Variants in PDK1 observed in about 807,000 individuals in gnomAD.
PDK1 encodes the protein pyruvate dehydrogenase kinase 1.
In PDK1, 39 loss-of-function variants were observed where a neutral mutation model predicts 54.2. The observed-to-expected ratio is 0.72, with a 90% CI of 0.56 to 0.94. The LOEUF (loss-of-function observed/expected upper bound fraction) is 0.94, where lower values mean the gene tolerates loss of function less well. Among genes scored for constraint, PDK1 ranks in the 40% least tolerant of loss-of-function variants. PDK1 has a pLI of 0.00. For missense variants in PDK1, 552 were observed against 566.0 expected (o/e 0.98, Z 0.25); for synonymous variants, 221 against 207.1 (o/e 1.07, Z -0.58).
At chr2:172,687,960 C>T in the PDK1 span, among the ~76,000 whole-genome samples, 1 of 152,194 alleles carries the variant, frequency 6.6e-6, no homozygotes, top group Non-Finnish European at 1.5e-5. Flanking sequence ...CACAGGGATC[C>T]CCTTTTGGGA....
chr2:172,617,937 A>T, the PDK1 span, among the ~76,000 whole-genome samples: 1 of 152,234 alleles, frequency 6.6e-6, no homozygotes. Flanking sequence ...GCAATAACCT[A>T]TTCCTTTACT....
the PDK1 span, among the ~76,000 whole-genome samples, chr2:172,621,141 A>G: frequency 2.6e-5 from 4 of 152,162 alleles, no homozygotes; most frequent in Admixed American, 6.6e-5. Context: ...TTCACTGGGC[A>G]TGCGTGGTGG....
At chr2:172,564,021 C>G in intron 3 of PDK1, 1 of 471,126 alleles carries the variant, frequency 2.1e-6, no homozygotes, top group South Asian at 1.5e-5. Context: ...TTTTTCTGTC[C>G]TAAGTGTTTC....
At chr2:172,610,425 G>A (rs553062265), downstream of PDK1, among the ~76,000 whole-genome samples, 1 of 151,968 alleles carries the variant, frequency 6.6e-6, no homozygotes, top group Non-Finnish European at 1.5e-5. Context: ...ATGGTGGGGG[G>A]GCTCCTCCCT....
chr2:172,609,160 A>G (rs772337866), downstream of PDK1, among the ~76,000 whole-genome samples: 1 of 152,210 alleles, frequency 6.6e-6, no homozygotes, highest in Non-Finnish European at 1.5e-5. Context: ...CAATTCAAAG[A>G]GAAAGTTAGG....
At chr2:172,629,939 A>G in the PDK1 span, among the ~76,000 whole-genome samples, 174 of 152,310 alleles carry the variant, frequency 1.1e-3, no homozygotes, top group Non-Finnish European at 1.2e-3. Flanking sequence ...GGTCAAGGGA[A>G]GTATTCGGTT....
intron 3 of PDK1, 59 bp downstream of exon 3, chr2:172,562,350 T>A: frequency 9.6e-7 from 1 of 1,044,424 alleles, no homozygotes; most frequent in Non-Finnish European, 1.5e-6. Context: ...TGGGGGAAAT[T>A]GGTTAACTTT....
chr2:172,693,401 C>T, the PDK1 span, among the ~76,000 whole-genome samples: 1 of 152,114 alleles, frequency 6.6e-6, no homozygotes, highest in African/African-American at 2.4e-5. Context: ...GGGGGGTGAC[C>T]CTGGGCAAGA....
chr2:172,618,766 A>C, the PDK1 span, among the ~76,000 whole-genome samples: 44 of 152,334 alleles, frequency 2.9e-4, no homozygotes, highest in Admixed American at 1.0e-3. Context: ...GACTGACCAA[A>C]GTAAGAAGCT....
chr2:172,561,518 A>G (rs1275986026), intron 2 of PDK1, among the ~76,000 whole-genome samples: 1 of 152,232 alleles, frequency 6.6e-6, no homozygotes. Context: ...TGTCGAAGAA[A>G]GTAATTCAGT....
chr2:172,694,433 A>G, the PDK1 span, among the ~76,000 whole-genome samples: 37 of 152,346 alleles, frequency 2.4e-4, 1 homozygote, highest in African/African-American at 8.4e-4. Flanking sequence ...TTTCATTATA[A>G]CATTGATGAG....
the PDK1 span, among the ~76,000 whole-genome samples, chr2:172,651,092 G>A: frequency 0.017 from 2,622 of 152,204 alleles, 75 homozygotes; most frequent in African/African-American, 0.059. Flanking sequence ...CTCCTCAGCA[G>A]ATGTAAAAGA....
At chr2:172,671,761 AAAGAG>A in the PDK1 span, among the ~76,000 whole-genome samples, 1 of 152,156 alleles carries the variant, frequency 6.6e-6, no homozygotes, top group Non-Finnish European at 1.5e-5. Flanking sequence ...TGCAGAAGAG[AAAGAG>A]AAGAGGCAAT....
At chr2:172,570,971 T>A in intron 8 of PDK1, 147 bp downstream of exon 8, 1 of 564,296 alleles carries the variant, frequency 1.8e-6, no homozygotes, top group East Asian at 2.9e-5. Context: ...ATAAGCACAT[T>A]GCTTCATTGA....
the PDK1 span, among the ~76,000 whole-genome samples, chr2:172,654,690 C>G: frequency 2.0e-5 from 3 of 152,082 alleles, no homozygotes; most frequent in African/African-American, 7.2e-5. Context: ...AGCACACCAA[C>G]ATGGCACATG....
chr2:172,694,267 G>A, the PDK1 span, among the ~76,000 whole-genome samples: 3 of 152,180 alleles, frequency 2.0e-5, no homozygotes, highest in Non-Finnish European at 4.4e-5. Context: ...CAATGTCCAT[G>A]TGGTTACACA....
the PDK1 span, among the ~76,000 whole-genome samples, chr2:172,614,838 C>A: frequency 6.6e-6 from 1 of 152,182 alleles, no homozygotes; most frequent in African/African-American, 2.4e-5. Flanking sequence ...TAACAATAAT[C>A]TATTTCTAAT....
At chr2:172,563,572 G>T (rs1344473866) in intron 3 of PDK1, among the ~76,000 whole-genome samples, 1 of 152,182 alleles carries the variant, frequency 6.6e-6, no homozygotes, top group South Asian at 2.1e-4. Context: ...GGTGGCTCAC[G>T]CCTGTAATCC....
chr2:172,683,552 T>G, the PDK1 span, among the ~76,000 whole-genome samples: 1 of 152,120 alleles, frequency 6.6e-6, no homozygotes, highest in African/African-American at 2.4e-5. Context: ...TTTGAGATGT[T>G]AATTCATCTC....
Sources: allele counts gnomAD v4.1 joint callset (sites outside exome capture counted in the v4.1 genomes callset), GRCh38; gene constraint gnomAD v4.1.1; transcripts MANE v1.5; gene names NCBI Gene and HGNC (gene_info 2026-07-23, HGNC 2026-07-21).